NDFIP2: variants seen among roughly 807,000 people sequenced by gnomAD.
NDFIP2 encodes the protein NEDD4 family-interacting protein 2.
Under a neutral mutation model 36.0 loss-of-function variants are expected in NDFIP2, and 19 were observed. That is an observed-to-expected ratio of 0.53 (90% confidence interval 0.37 to 0.77). NDFIP2 has a LOEUF of 0.77. Ranked by LOEUF, NDFIP2 falls within the 30% of genes least tolerant of loss-of-function variation. The pLI is 0.00. For synonymous variants in NDFIP2, 181 were observed against 167.7 expected (o/e 1.08, Z -0.61); for missense variants, 446 against 435.8 (o/e 1.02, Z -0.21).
intron 2 of NDFIP2, among the ~76,000 whole-genome samples, chr13:79,527,014 T>C (rs974643222): frequency 6.6e-6 from 1 of 152,224 alleles, no homozygotes; most frequent in African/African-American, 2.4e-5. Flanking sequence ...TGTTTTATAA[T>C]TGCGGTGTCC....
rs1566671229 is a variant in NDFIP2, at chr13:79,554,286, CAT to C, written c.*1776_*1777del. 6.6e-6 allele frequency: 1 copy of C among 151,734 alleles called. No homozygotes were observed. Among genetic ancestry groups the C allele is most frequent in the East Asian group, 1.9e-4 (1 of 5,188 alleles). 9.4% of individuals were successfully genotyped at this position (151,734 alleles called of 1,614,324 possible). On this transcript the variant is annotated 3_prime_UTR_variant, in exon 8 of 8. Transcript: ENST00000218652. ...AATTAAAATTAAACTGTACTAATAA[CAT>C]ATTCAAACTCATGCTGGATCTCTTT...
At chr13:79,523,435 G>A (rs1341071550) in intron 2 of NDFIP2, among the ~76,000 whole-genome samples, 1 of 152,096 alleles carries the variant, frequency 6.6e-6, no homozygotes, top group Non-Finnish European at 1.5e-5. Context: ...GGTCAGGCTG[G>A]TCTCGAACTC....
rs1020593340 is a variant in NDFIP2 at position 79,481,266 on chromosome 13, C to G, written c.63C>G (p.Arg21=). ...ASGPSMLNSA[R]GAPELLRGTA... Reference sequence around the variant, plus strand: ...GTCCGAGCATGCTCAATAGCGCGCGCGGCGCCCCGGAGCTTCTCCGCGGAA... The same window carrying G: ...GTCCGAGCATGCTCAATAGCGCGCGGGGCGCCCCGGAGCTTCTCCGCGGAA... Residue 21 remains arginine (R), a synonymous_variant, in exon 1 of 8, where the codon CGC becomes CGG. Transcript: ENST00000218652. 2.0e-6 allele frequency: 3 copies of G among 1,536,426 alleles called. No homozygotes were observed. Among genetic ancestry groups the G allele is most frequent in the Non-Finnish European group, 8.7e-7 (1 of 1,146,016 alleles).
At chr13:79,498,227 T>C (rs771656499) in intron 1 of NDFIP2, among the ~76,000 whole-genome samples, 1 of 151,912 alleles carries the variant, frequency 6.6e-6, no homozygotes, top group Non-Finnish European at 1.5e-5. Context: ...TTAGTTCCCA[T>C]TGCAGACAAA....
intron 6 of NDFIP2, 131 bp from the exon 7 acceptor site, chr13:79,550,886 G>C: frequency 1.8e-6 from 1 of 541,374 alleles, no homozygotes; most frequent in Non-Finnish European, 3.3e-6. Context: ...ATATATTACA[G>C]AAATGAATGG....
At chr13:79,531,269 T>A (rs559109791) in intron 2 of NDFIP2, among the ~76,000 whole-genome samples, 1 of 152,288 alleles carries the variant, frequency 6.6e-6, no homozygotes, top group South Asian at 2.1e-4. Context: ...AGGTGTGCTG[T>A]CATTAGGCTT....
chr13:79,482,669 G>C (rs868248140), intron 1 of NDFIP2, among the ~76,000 whole-genome samples: 7 of 152,042 alleles, frequency 4.6e-5, no homozygotes, highest in South Asian at 4.2e-4. Flanking sequence ...AGTACATTTT[G>C]GCAAATATGA....
intron 2 of NDFIP2, among the ~76,000 whole-genome samples, chr13:79,527,908 A>T (rs1039959557): frequency 6.6e-6 from 1 of 152,102 alleles, no homozygotes; most frequent in African/African-American, 2.4e-5. Context: ...GAAGACAATG[A>T]TATTGACGAT....
At chr13:79,505,752 A>G (rs537218869) in intron 1 of NDFIP2, among the ~76,000 whole-genome samples, 1 of 152,292 alleles carries the variant, frequency 6.6e-6, no homozygotes, top group South Asian at 2.1e-4. Context: ...AGTTACAGCA[A>G]AAGGGCACTA....
intron 2 of NDFIP2, among the ~76,000 whole-genome samples, chr13:79,524,347 A>T (rs933396049): frequency 2.0e-5 from 3 of 152,236 alleles, no homozygotes; most frequent in African/African-American, 7.2e-5. Context: ...TCAGGGAGAC[A>T]TCTACAGTTT....
chr13:79,533,718 G>T (rs974453966), intron 3 of NDFIP2, among the ~76,000 whole-genome samples: 3 of 152,070 alleles, frequency 2.0e-5, no homozygotes, highest in Non-Finnish European at 4.4e-5. Flanking sequence ...TTAAGAAAAG[G>T]CCTGTAATGA....
chr13:79,526,784 G>T (rs754119594), intron 2 of NDFIP2, among the ~76,000 whole-genome samples: 1 of 152,200 alleles, frequency 6.6e-6, no homozygotes, highest in Non-Finnish European at 1.5e-5. Flanking sequence ...CACTTACTGT[G>T]TGCTTACTGC....
At chr13:79,497,298 C>T (rs1198608524) in intron 1 of NDFIP2, among the ~76,000 whole-genome samples, 2 of 151,924 alleles carry the variant, frequency 1.3e-5, no homozygotes, top group South Asian at 2.1e-4. Flanking sequence ...TTAATGGTTT[C>T]CCCTTACTTT....
Position 79,520,854 on chromosome 13 carries a change from G to C in NDFIP2, c.366G>C (p.Gln122His), listed in dbSNP as rs1874545209. ...EDNSESSAIE[Q>H]PPTSNPAPQI... ...ACTCAGAATCATCGGCTATAGAGCAGCCACCTACTTCAAACCCAGCACCGC... is the reference window on the plus strand; with the variant it reads ...ACTCAGAATCATCGGCTATAGAGCACCCACCTACTTCAAACCCAGCACCGC... The change falls in exon 2 of 8, where the codon CAG (glutamine) becomes CAC (histidine). Residue 122 changes from glutamine to histidine, a missense_variant. Around this residue, in one of 2 missense-constraint regions of NDFIP2, gnomAD observed 369 missense variants for 304.8 expected, o/e 1.21. Transcript: ENST00000218652. 1 of 1,613,830 alleles carries C rather than the reference G, an allele frequency of 6.2e-7. No individual in the cohort carries two copies. The highest frequency in any genetic ancestry group is 1.7e-5 in the Admixed American group (1 of 59,988).
chr13:79,549,565 G>A (rs1016487812), intron 6 of NDFIP2, among the ~76,000 whole-genome samples: 1 of 151,804 alleles, frequency 6.6e-6, no homozygotes, highest in African/African-American at 2.4e-5. Flanking sequence ...TAAAAATGTT[G>A]CTCTCACATA....
intron 7 of NDFIP2, 114 bp downstream of exon 7, chr13:79,551,236 AT>A (rs1250283242): frequency 1.8e-5 from 9 of 491,608 alleles, no homozygotes; most frequent in South Asian, 1.0e-4. Context: ...CATATTTAAT[AT>A]TTTTTAATAC....
intron 1 of NDFIP2, among the ~76,000 whole-genome samples, chr13:79,514,937 A>T (rs1874221806): frequency 6.6e-6 from 1 of 152,214 alleles, no homozygotes; most frequent in African/African-American, 2.4e-5. Context: ...ATTGGAGCTC[A>T]TGGTGCTCTT....
rs1391851982 is a variant in NDFIP2, at chr13:79,534,332, A to G, written c.621+876A>G. On this transcript the variant is annotated intron_variant, in intron 3 of 7. Coordinates refer to ENST00000218652, the MANE Select transcript of NDFIP2 (RefSeq NM_019080.3). ...CACAGAGAAATGTTACAAGGCCTTCAAATTATTTTTGTCAGCTGTTTTTTT... is the reference window on the plus strand; with the variant it reads ...CACAGAGAAATGTTACAAGGCCTTCGAATTATTTTTGTCAGCTGTTTTTTT... Among the ~76,000 whole-genome samples, 4 of 150,438 alleles carry G rather than the reference A, an allele frequency of 2.7e-5. No individual in the cohort carries two copies. The East Asian group carries it at 7.8e-4, about 29-fold the overall frequency.
At chr13:79,504,392 AATG>A (rs1290107326) in intron 1 of NDFIP2, among the ~76,000 whole-genome samples, 10 of 152,162 alleles carry the variant, frequency 6.6e-5, no homozygotes, top group Admixed American at 1.3e-4. Flanking sequence ...AAATGACAGA[AATG>A]ATGTTTCTTT....
Sources: gnomAD v4.1 joint callset for allele counts (sites outside exome capture counted in the v4.1 genomes callset) on GRCh38, gnomAD v4.1.1 for gene constraint, gnomAD v4.1.1 regional missense constraint, MANE v1.5 for transcripts, NCBI Gene and HGNC (gene_info 2026-07-23, HGNC 2026-07-21) for gene names.